TIGD3: variants seen among roughly 807,000 people sequenced by gnomAD.
The protein encoded by TIGD3 is tigger transposable element derived 3.
Under a neutral mutation model 14.8 loss-of-function variants are expected in TIGD3, and 7 were observed. That is an observed-to-expected ratio of 0.47 (90% CI 0.27 to 0.89). The LOEUF (loss-of-function observed/expected upper bound fraction) is 0.89, where lower values mean the gene tolerates loss of function less well. Among genes scored for constraint, TIGD3 ranks in the 40% least tolerant of loss-of-function variants. TIGD3 has a pLI of 0.13. For missense variants in TIGD3, 581 were observed against 611.0 expected, an observed-to-expected ratio of 0.95 and a Z score of 0.52; for synonymous variants, 243 against 269.4, an observed-to-expected ratio of 0.90 and a Z score of 0.96.
chr11:65,357,314 T>A lies in TIGD3; in HGVS notation c.*90T>A. 2 of 1,225,650 alleles carry A rather than the reference T, an allele frequency of 1.6e-6. No homozygotes were observed. The highest frequency in any genetic ancestry group is 2.3e-6 in the Non-Finnish European group (2 of 868,824). The allele number at this position is 1,225,650 out of a possible 1,614,324, so 75.9% of individuals were successfully genotyped here. On this transcript the variant is annotated 3_prime_UTR_variant, in exon 2 of 2. Coordinates refer to ENST00000309880, the MANE Select transcript of TIGD3 (RefSeq NM_145719.3). ...AAGGCAGATCGGGCTGTCTCTTTCCTGTGGAAATAGAACTGTCGTAAAGGT... is the reference window on the plus strand; with the variant it reads ...AAGGCAGATCGGGCTGTCTCTTTCCAGTGGAAATAGAACTGTCGTAAAGGT...
Position 65,356,114 on chromosome 11 carries a change from G to C in TIGD3, c.306G>C (p.Leu102=). 4 of 1,611,334 alleles carry C rather than the reference G, an allele frequency of 2.5e-6. No individual in the cohort carries two copies. The highest frequency in any genetic ancestry group is 8.5e-7 in the Non-Finnish European group (1 of 1,180,028). Residue 102 remains leucine (L), a synonymous_variant, in exon 2 of 2, where the codon CTG becomes CTC. Coordinates refer to ENST00000309880, the MANE Select transcript of TIGD3 (RefSeq NM_145719.3). The surrounding 1 kb of genome is among the most constrained non-coding windows in gnomAD (Gnocchi z 5.2). ...CCTGGGACGTGACGGGGCCCATGCT[G>C]CTCCACAAAGCCAAGGAGCTGGCCG... ...AKAWDVTGPM[L]LHKAKELADI...
In TIGD3 at chr11:65,357,235, A is replaced by G. The variant is rs1854871719; in HGVS notation, c.*11A>G. ...CTTTGCTGCCTATGAAGGCGCCTTC[A>G]CTGCTTGCCAGAGCCCCTTCCTCTC... On this transcript the variant is annotated 3_prime_UTR_variant, in exon 2 of 2. Transcript: ENST00000309880. The G allele has an allele frequency of 6.2e-7, 1 of 1,612,470 alleles. No individual in the cohort carries two copies. The highest frequency in any genetic ancestry group is 1.3e-5 in the African/African-American group (1 of 74,876).
rs766128987 is a variant in TIGD3 at position 65,356,320 on chromosome 11, A to G, written c.512A>G (p.Asp171Gly). Residue 171 changes from aspartate (D) to glycine (G), a missense_variant, in exon 2 of 2, where the codon GAC (aspartate) becomes GGC (glycine). Physicochemically the swap from Asp to Gly is moderately conservative, Grantham distance 94 (BLOSUM62 -1). Coordinates refer to ENST00000309880, the MANE Select transcript of TIGD3 (RefSeq NM_145719.3). The surrounding 1 kb of genome is among the most constrained non-coding windows in gnomAD (Gnocchi z 5.2). Reference sequence around the variant, plus strand: ...TCCCTAAAAGACTTCTCTCCAGAGGACGTGTTTGGCTGTGCTGAATTGCCC... The same window carrying G: ...TCCCTAAAAGACTTCTCTCCAGAGGGCGTGTTTGGCTGTGCTGAATTGCCC... ...PLSLKDFSPE[D>G]VFGCAELPLL... 1 of 1,612,280 alleles carries G rather than the reference A, an allele frequency of 6.2e-7. No homozygotes were observed. Among genetic ancestry groups the G allele is most frequent in the Non-Finnish European group, 8.5e-7 (1 of 1,179,986 alleles).
In TIGD3 at chr11:65,357,171, T is replaced by G; in HGVS notation, c.1363T>G (p.Phe455Val). 1 of 1,614,220 alleles carries G rather than the reference T, an allele frequency of 6.2e-7. No homozygotes were observed. Among genetic ancestry groups the G allele is most frequent in the Non-Finnish European group, 8.5e-7 (1 of 1,180,032 alleles). Residue 455 changes from phenylalanine to valine, a missense_variant, in exon 2 of 2, where the codon TTC becomes GTC. Phe to Val is a conservative substitution (Grantham distance 50). Transcript: ENST00000309880. Reference protein sequence around the residue: ...FECNSTSPELFEKFYDCEEEV... With the variant: ...FECNSTSPELVEKFYDCEEEV... ...ATGCAACAGCACTTCTCCTGAGCTA[T>G]TCGAAAAATTCTACGACTGTGAGGA... is the stretch of plus-strand genomic sequence containing the variant.
rs764620814 is a variant in TIGD3, at chr11:65,356,919, C to G, written c.1111C>G (p.Pro371Ala). Residue 371 changes from proline to alanine, a missense_variant, in exon 2 of 2, where the codon CCC becomes GCC. Physicochemically the swap from Pro to Ala is conservative, Grantham distance 27 (BLOSUM62 -1). Coordinates refer to ENST00000309880, the MANE Select transcript of TIGD3 (RefSeq NM_145719.3). The surrounding 1 kb of genome is among the most constrained non-coding windows in gnomAD (Gnocchi z 5.2). ...AGAAGGGCTGGCTCCCGGCAAAACG[C>G]CCCCGTCCTCGCACAAAACCTCTGA... The part of the protein sequence containing the change: ...IQEGLAPGKT[P>A]PSSHKTSEMP... The G allele has an allele frequency of 1.2e-6, 2 of 1,613,942 alleles. No individual in the cohort carries two copies. The highest frequency in any genetic ancestry group is 1.7e-6 in the Non-Finnish European group (2 of 1,180,052).
intron 1 of TIGD3, 107 bp from the exon 2 acceptor site, chr11:65,355,686 C>T (rs920138276): frequency 1.1e-6 from 1 of 950,794 alleles, no homozygotes; most frequent in Non-Finnish European, 1.5e-6. Context: ...CAGTCTCACC[C>T]GGTGCCTGCG....
chr11:65,356,253 C>G lies in TIGD3; in HGVS notation c.445C>G (p.Pro149Ala), dbSNP rs1032726601. The G allele has an allele frequency of 6.2e-7, 1 of 1,612,948 alleles. No individual in the cohort carries two copies. The highest frequency in any genetic ancestry group is 8.5e-7 in the Non-Finnish European group (1 of 1,180,036). The change falls in exon 2 of 2, where the codon CCA becomes GCA. Residue 149 changes from proline (P) to alanine (A), a missense_variant. By Grantham distance (27) the Pro-to-Ala change is conservative (BLOSUM62 -1). Transcript: ENST00000309880. This position sits in a 1 kb window ranked among gnomAD's most constrained non-coding sequence, Gnocchi z 5.2. ...HVLAPSFPPEPPPPGLTSQAQ... is the reference protein window; with the variant it reads ...HVLAPSFPPEAPPPGLTSQAQ... ...TCTTGCGCCTTCATTCCCCCCTGAG[C>G]CACCTCCCCCGGGGCTCACATCCCA...
chr11:65,355,490 C>T (rs551835752), intron 1 of TIGD3, among the ~76,000 whole-genome samples: 2 of 147,434 alleles, frequency 1.4e-5, no homozygotes, highest in African/African-American at 5.0e-5. Flanking sequence ...CGTCCGTATG[C>T]CTTTGTTATC....
In TIGD3 at chr11:65,355,914, C is replaced by T. The variant is rs201019323; in HGVS notation, c.106C>T (p.Arg36Trp). ...ESKMSQSEVA[R>W]RFQVSQPQIS... ...CAAGATGTCCCAGTCGGAGGTGGCC[C>T]GGCGCTTCCAGGTTTCCCAGCCCCA... Residue 36 changes from arginine (R) to tryptophan (W), a missense_variant, in exon 2 of 2, where the codon CGG (arginine) becomes TGG (tryptophan). By Grantham distance (101) the Arg-to-Trp change is moderately radical. Transcript: ENST00000309880. 1.2e-6 allele frequency: 2 copies of T among 1,613,804 alleles called. No individual in the cohort carries two copies. Among genetic ancestry groups the T allele is most frequent in the Non-Finnish European group, 8.5e-7 (1 of 1,180,038 alleles).
In TIGD3 at chr11:65,357,306, C is replaced by G; in HGVS notation, c.*82C>G. 2 of 1,306,052 alleles carry G rather than the reference C, an allele frequency of 1.5e-6. No homozygotes were observed. Among genetic ancestry groups the G allele is most frequent in the Non-Finnish European group, 2.1e-6 (2 of 936,352 alleles). The allele number at this position is 1,306,052 out of a possible 1,614,324, so 80.9% of individuals were successfully genotyped here. A position where few individuals can be genotyped will look rare whatever the true frequency, so the allele number is the denominator to read the frequency against. ...CTCTTCAGAAGGCAGATCGGGCTGT[C>G]TCTTTCCTGTGGAAATAGAACTGTC... On this transcript the variant is annotated 3_prime_UTR_variant, in exon 2 of 2. Coordinates refer to ENST00000309880, the MANE Select transcript of TIGD3 (RefSeq NM_145719.3).
At chr11:65,355,675 C>G in intron 1 of TIGD3, 118 bp from the exon 2 acceptor site, 1 of 851,858 alleles carries the variant, frequency 1.2e-6, no homozygotes. Flanking sequence ...TTCAGCGGGT[C>G]CAGTCTCACC....
At position 65,356,683 on chromosome 11, in the gene TIGD3, C is replaced by T. The variant is rs539004887; in HGVS notation, c.875C>T (p.Thr292Ile). ...CTCTTGCCTCTGGCCGCCTCTAGCA[C>T]CACGCCTCCCCTGCCCAGCTCAGTG... is the stretch of plus-strand genomic sequence containing the variant. ...VKLLPLAASS[T>I]TPPLPSSVVR... The change falls in exon 2 of 2, where the codon ACC becomes ATC. Residue 292 changes from threonine (T) to isoleucine (I), a missense_variant. By Grantham distance (89) the Thr-to-Ile change is moderately conservative (BLOSUM62 -1). Coordinates refer to ENST00000309880, the MANE Select transcript of TIGD3 (RefSeq NM_145719.3). This position sits in a 1 kb window ranked among gnomAD's most constrained non-coding sequence, Gnocchi z 5.2. 1.2e-6 allele frequency: 2 copies of T among 1,613,218 alleles called. No individual in the cohort carries two copies. Among genetic ancestry groups the T allele is most frequent in the South Asian group, 1.1e-5 (1 of 91,084 alleles).
In TIGD3 at chr11:65,357,201, G is replaced by A. The variant is rs1414048773; in HGVS notation, c.1393G>A (p.Val465Met). 8.7e-6 allele frequency: 14 copies of A among 1,614,092 alleles called. No individual in the cohort carries two copies. Among genetic ancestry groups the A allele is most frequent in the Non-Finnish European group, 1.2e-5 (14 of 1,180,032 alleles). Residue 465 changes from valine (V) to methionine (M), a missense_variant, in exon 2 of 2, where the codon GTG becomes ATG. Physicochemically the swap from Val to Met is conservative, Grantham distance 21 (BLOSUM62 1). Coordinates refer to ENST00000309880, the MANE Select transcript of TIGD3 (RefSeq NM_145719.3). Reference sequence around the variant, plus strand: ...AAAATTCTACGACTGTGAGGAGGAGGTGGAGCGGCTTTGCTGCCTATGAAG... The same window carrying A: ...AAAATTCTACGACTGTGAGGAGGAGATGGAGCGGCTTTGCTGCCTATGAAG... ...FEKFYDCEEE[V>M]ERLCCL
In TIGD3 at chr11:65,356,933, CA is replaced by C; in HGVS notation, c.1129del (p.Thr377ProfsTer11). On this transcript the variant is annotated frameshift_variant, in exon 2 of 2. Transcript: ENST00000309880. LOFTEE classifies it low-confidence loss of function (END_TRUNC). This position sits in a 1 kb window ranked among gnomAD's most constrained non-coding sequence, Gnocchi z 5.2. ...CCGGCAAAACGCCCCCGTCCTCGCA[CA>C]AAACCTCTGAGATGCCACCAGTCCC... ...APGKTPPSSH[K>X]TSEMPPVPGG... 2 of 1,614,160 alleles carry C rather than the reference CA, an allele frequency of 1.2e-6. No individual in the cohort carries two copies. The highest frequency in any genetic ancestry group is 2.2e-5 in the East Asian group (1 of 44,888).
At position 65,356,834 on chromosome 11, in the gene TIGD3, C is replaced by T. The variant is rs73482269; in HGVS notation, c.1026C>T (p.His342=). Reference sequence around the variant, plus strand: ...GCATCACCGTGCTGGACGCCCTGCACGTGGCGTCTGCCGCCTGGGCCAAGG... The same window carrying T: ...GCATCACCGTGCTGGACGCCCTGCATGTGGCGTCTGCCGCCTGGGCCAAGG... ...GAGITVLDAL[H]VASAAWAKVP... is the part of the protein sequence containing the mutation. The change falls in exon 2 of 2, where the codon CAC becomes CAT. Residue 342 remains histidine, a synonymous_variant. Transcript: ENST00000309880. This position sits in a 1 kb window ranked among gnomAD's most constrained non-coding sequence, Gnocchi z 5.2. 282 of 1,613,212 alleles carry T rather than the reference C, an allele frequency of 1.7e-4. 1 individual carries two copies. The African/African-American group carries it at 3.4e-3, about 19-fold the overall frequency.
At position 65,357,221 on chromosome 11, in the gene TIGD3, A is replaced by G. The variant is rs748475869; in HGVS notation, c.1413A>G (p.Leu471=). The G allele has an allele frequency of 3.1e-6, 5 of 1,613,976 alleles. No individual in the cohort carries two copies. In the South Asian group the frequency reaches 3.3e-5, roughly 11 times the overall value. ...CEEEVERLCC[L] is the part of the protein sequence containing the mutation. ...AGGAGGTGGAGCGGCTTTGCTGCCTATGAAGGCGCCTTCACTGCTTGCCAG... is the reference window on the plus strand; with the variant it reads ...AGGAGGTGGAGCGGCTTTGCTGCCTGTGAAGGCGCCTTCACTGCTTGCCAG... Residue 471 remains leucine (L), a synonymous_variant, in exon 2 of 2, where the codon CTA becomes CTG. Coordinates refer to ENST00000309880, the MANE Select transcript of TIGD3 (RefSeq NM_145719.3).
At chr11:65,355,537 C>T (rs1854837002) in intron 1 of TIGD3, among the ~76,000 whole-genome samples, 1 of 151,586 alleles carries the variant, frequency 6.6e-6, no homozygotes, top group African/African-American at 2.4e-5. Context: ...TCCTTCTTCC[C>T]GAGTGAGGCC....
chr11:65,357,036 G>A lies in TIGD3; in HGVS notation c.1228G>A (p.Glu410Lys). 1 of 1,614,020 alleles carries A rather than the reference G, an allele frequency of 6.2e-7. No individual in the cohort carries two copies. Among genetic ancestry groups the A allele is most frequent in the African/African-American group, 1.3e-5 (1 of 75,060 alleles). ...GEEPRSGVCK[E>K]EIGTEDEKGD... ...GGAGCCAAGGTCTGGAGTATGTAAG[G>A]AGGAGATAGGCACTGAAGACGAGAA... The change falls in exon 2 of 2, where the codon GAG (glutamate) becomes AAG (lysine). Residue 410 changes from glutamate to lysine, a missense_variant. Physicochemically the swap from Glu to Lys is moderately conservative, Grantham distance 56. Coordinates refer to ENST00000309880, the MANE Select transcript of TIGD3 (RefSeq NM_145719.3).
Position 65,357,111 on chromosome 11 carries a change from C to T in TIGD3, c.1303C>T (p.Leu435Phe). 4 of 1,614,056 alleles carry T rather than the reference C, an allele frequency of 2.5e-6. No individual in the cohort carries two copies. Among genetic ancestry groups the T allele is most frequent in the Non-Finnish European group, 3.4e-6 (4 of 1,179,964 alleles). Residue 435 changes from leucine to phenylalanine, a missense_variant, in exon 2 of 2, where the codon CTC becomes TTC. Leu to Phe is a conservative substitution (Grantham distance 22, BLOSUM62 0). Coordinates refer to ENST00000309880, the MANE Select transcript of TIGD3 (RefSeq NM_145719.3). ...GCCCCTGCCCACCAAAGCTGATGCC[C>T]TCCGGGCCCTGGGCACCTTGAGGAG... ...FEPLPTKADA[L>F]RALGTLRRWF...
Sources: gnomAD v4.1 joint callset for allele counts (sites outside exome capture counted in the v4.1 genomes callset) on GRCh38, gnomAD v4.1.1 for gene constraint, Gnocchi (gnomAD v3.1) non-coding constraint, MANE v1.5 for transcripts, NCBI Gene and HGNC (gene_info 2026-07-23, HGNC 2026-07-21) for gene names.